Variants in PHACTR1 observed in about 807,000 individuals in gnomAD.
PHACTR1 encodes phosphatase and actin regulator 1, also known as RPEL repeat containing 1.
In PHACTR1, 16 loss-of-function variants were observed where a neutral mutation model predicts 69.2. That is an observed-to-expected ratio of 0.23 (90% confidence interval 0.16 to 0.35). The LOEUF is 0.35. Ranked by LOEUF, PHACTR1 falls within the 10% of genes least tolerant of loss-of-function variation. The pLI is 1.00. For missense variants in PHACTR1, 510 were observed against 734.7 expected, an observed-to-expected ratio of 0.69 and a Z score of 3.54; for synonymous variants, 312 against 284.5, an observed-to-expected ratio of 1.10 and a Z score of -0.97.
At chr6:12,991,597 G>GA (rs1328209449) in intron 4 of PHACTR1, among the ~76,000 whole-genome samples, 1 of 151,940 alleles carries the variant, frequency 6.6e-6, no homozygotes, top group South Asian at 2.1e-4. Flanking sequence ...TTCTTCTTAA[G>GA]AAAAAAATAA....
chr6:12,826,280 C>T (rs1401134179), intron 4 of PHACTR1, among the ~76,000 whole-genome samples: 1 of 152,048 alleles, frequency 6.6e-6, no homozygotes, highest in Non-Finnish European at 1.5e-5. Flanking sequence ...AATGTGTCTC[C>T]CCCTACACAA....
rs1246704315 is a variant in PHACTR1 at position 12,921,503 on chromosome 6, AGAAG to A, written c.251-131848_251-131845del. Among the ~76,000 whole-genome samples, 11 of 120,256 alleles carry A rather than the reference AGAAG, an allele frequency of 9.1e-5. No individual in the cohort carries two copies. In the East Asian group the frequency reaches 1.8e-3, roughly 20 times the overall value. 78.9% of individuals were successfully genotyped at this position (120,256 alleles called of 152,430 possible). The stretch of plus-strand genomic sequence containing the variant: ...AGGAAGGAGGGAAGGAAGGAAGGAA[AGAAG>A]GAAGGAAGGAAGGGGAGGGAGGGAG... On this transcript the variant is annotated intron_variant, in intron 4 of 14. Transcript: ENST00000332995.
chr6:12,884,917 C>T (rs1296783950), intron 4 of PHACTR1, among the ~76,000 whole-genome samples: 1 of 152,184 alleles, frequency 6.6e-6, no homozygotes, highest in Non-Finnish European at 1.5e-5. Context: ...AGATGGCTTA[C>T]TTTAATAGGA....
chr6:12,959,176 C>CAAAAAAAAAAAAAAAAAAAAAAAAAAAAA (rs70989814), intron 4 of PHACTR1, among the ~76,000 whole-genome samples: 2 of 46,250 alleles, frequency 4.3e-5, no homozygotes, highest in African/African-American at 1.9e-4. Flanking sequence ...GACTTTATCT[C>CAAAAAAAAAAAAAAAAAAAAAAAAAAAAA]AAAAAAAAAA....
At chr6:13,071,433 A>C (rs756212331) in intron 5 of PHACTR1, among the ~76,000 whole-genome samples, 3 of 152,142 alleles carry the variant, frequency 2.0e-5, no homozygotes, top group Non-Finnish European at 4.4e-5. Context: ...ATCTCAAAAA[A>C]AAAAGAAAGT....
chr6:13,010,630 G>A (rs1387832095), intron 4 of PHACTR1, among the ~76,000 whole-genome samples: 1 of 152,144 alleles, frequency 6.6e-6, no homozygotes, highest in African/African-American at 2.4e-5. Flanking sequence ...AAGCTCTCAG[G>A]CACCTGGGAT....
chr6:13,131,497 T>C (rs1190634226), intron 5 of PHACTR1, among the ~76,000 whole-genome samples: 1 of 152,082 alleles, frequency 6.6e-6, no homozygotes, highest in Non-Finnish European at 1.5e-5. Flanking sequence ...GAGTACAGCA[T>C]ACACTGCTCG....
chr6:12,793,868 T>C (rs954846709), intron 4 of PHACTR1, among the ~76,000 whole-genome samples: 1 of 152,212 alleles, frequency 6.6e-6, no homozygotes, highest in South Asian at 2.1e-4. Flanking sequence ...TGGCAGCTAG[T>C]AATCTGAGTG....
intron 10 of PHACTR1, among the ~76,000 whole-genome samples, chr6:13,266,375 C>G (rs939951562): frequency 2.0e-5 from 3 of 152,130 alleles, no homozygotes; most frequent in African/African-American, 7.2e-5. Context: ...GATCTCTTTC[C>G]ACTGTAAGTC....
intron 3 of PHACTR1, among the ~76,000 whole-genome samples, chr6:12,746,367 C>G (rs1047552263): frequency 1.3e-5 from 2 of 152,070 alleles, no homozygotes; most frequent in African/African-American, 4.8e-5. Flanking sequence ...AACTCTAGCT[C>G]TACAAAAAAT....
chr6:12,885,593 T>G (rs983540013), intron 4 of PHACTR1, among the ~76,000 whole-genome samples: 6 of 152,264 alleles, frequency 3.9e-5, no homozygotes, highest in African/African-American at 1.4e-4. Context: ...TTACAGGGTT[T>G]GTTTAATGAA....
At chr6:12,825,025 T>C (rs1383510066) in intron 4 of PHACTR1, among the ~76,000 whole-genome samples, 1 of 152,130 alleles carries the variant, frequency 6.6e-6, no homozygotes, top group Non-Finnish European at 1.5e-5. Context: ...ACACCTGTAA[T>C]CCCAGCACTT....
intron 4 of PHACTR1, among the ~76,000 whole-genome samples, chr6:12,965,879 G>A (rs958253860): frequency 1.3e-5 from 2 of 152,154 alleles, no homozygotes; most frequent in African/African-American, 2.4e-5. Flanking sequence ...AAAGTAAACT[G>A]AGGCTTGGAG....
chr6:13,006,987 G>A (rs1035096244), intron 4 of PHACTR1, among the ~76,000 whole-genome samples: 2 of 152,214 alleles, frequency 1.3e-5, no homozygotes, highest in South Asian at 4.1e-4. Flanking sequence ...GAGGGCACTA[G>A]TAATGTCTAC....
intron 4 of PHACTR1, among the ~76,000 whole-genome samples, chr6:12,916,813 A>C (rs1211893010): frequency 6.6e-6 from 1 of 152,170 alleles, no homozygotes; most frequent in Admixed American, 6.5e-5. Context: ...ACACTCACTA[A>C]ATTTTCATTT....
intron 4 of PHACTR1, among the ~76,000 whole-genome samples, chr6:12,826,084 A>G (rs1776773575): frequency 6.6e-6 from 1 of 152,186 alleles, no homozygotes; most frequent in African/African-American, 2.4e-5. Context: ...TAGAGACTGA[A>G]AGTAATTTTT....
intron 4 of PHACTR1, among the ~76,000 whole-genome samples, chr6:12,874,725 A>G (rs1582221979): frequency 6.6e-6 from 1 of 152,230 alleles, no homozygotes; most frequent in African/African-American, 2.4e-5. Flanking sequence ...GAACAAATTC[A>G]GTGGGTCTCT....
At chr6:13,088,568 A>G (rs765030010) in intron 5 of PHACTR1, among the ~76,000 whole-genome samples, 7 of 152,106 alleles carry the variant, frequency 4.6e-5, no homozygotes, top group Non-Finnish European at 1.0e-4. Context: ...GCCAGCATCT[A>G]TTTAGCAGGT....
intron 6 of PHACTR1, among the ~76,000 whole-genome samples, chr6:13,163,312 G>A (rs1759323977): frequency 6.6e-6 from 1 of 152,182 alleles, no homozygotes; most frequent in Non-Finnish European, 1.5e-5. Context: ...GGAAGGACCA[G>A]TCTAGTCCCC....
Sources: allele counts gnomAD v4.1 joint callset (sites outside exome capture counted in the v4.1 genomes callset), GRCh38; gene constraint gnomAD v4.1.1; transcripts MANE v1.5; gene names NCBI Gene and HGNC (gene_info 2026-07-23, HGNC 2026-07-21).